Variants in REDIC1 observed in about 807,000 individuals in gnomAD.
REDIC1 encodes regulator of DNA class I crossover intermediates 1, also known as HEI10 Interacting Protein 1.
chr12:39,627,986 C>T, the REDIC1 span, among the ~76,000 whole-genome samples: 2 of 152,120 alleles, frequency 1.3e-5, no homozygotes, highest in Non-Finnish European at 2.9e-5. Context: ...AAAATGACCT[C>T]CTGGAAGGTC....
the REDIC1 span, among the ~76,000 whole-genome samples, chr12:39,655,178 G>C: frequency 6.6e-5 from 10 of 151,714 alleles, no homozygotes; most frequent in Admixed American, 3.3e-4. Context: ...ACTGAGTTTT[G>C]GTTTAATCAA....
chr12:39,877,752 T>A, the REDIC1 span, among the ~76,000 whole-genome samples: 2 of 152,218 alleles, frequency 1.3e-5, no homozygotes, highest in Admixed American at 6.5e-5. Context: ...ACCACTATAT[T>A]TACAATCTTC....
At chr12:39,852,791 T>A in the REDIC1 span, among the ~76,000 whole-genome samples, 4 of 152,202 alleles carry the variant, frequency 2.6e-5, no homozygotes, top group Non-Finnish European at 4.4e-5. Flanking sequence ...CCAATCAGAT[T>A]GGTTGTGACC....
chr12:39,717,254 G>A, the REDIC1 span, among the ~76,000 whole-genome samples: 1 of 151,530 alleles, frequency 6.6e-6, no homozygotes, highest in Non-Finnish European at 1.5e-5. Context: ...TAAAAGGTTT[G>A]ACTCCGCCAA....
the REDIC1 span, among the ~76,000 whole-genome samples, chr12:39,668,398 A>C: frequency 2.0e-5 from 3 of 151,382 alleles, no homozygotes; most frequent in Non-Finnish European, 4.4e-5. Flanking sequence ...ATTGGCCCCC[A>C]CTCTCTTCTG....
the REDIC1 span, among the ~76,000 whole-genome samples, chr12:39,825,909 C>CT: frequency 6.6e-6 from 1 of 151,976 alleles, no homozygotes; most frequent in African/African-American, 2.4e-5. Flanking sequence ...ATTGTGATTT[C>CT]TTCTAAACCT....
chr12:39,638,400 A>G, the REDIC1 span, among the ~76,000 whole-genome samples: 167 of 152,116 alleles, frequency 1.1e-3, no homozygotes, highest in Admixed American at 2.2e-3. Context: ...TGGTATCCTT[A>G]TGAGAATAAT....
the REDIC1 span, among the ~76,000 whole-genome samples, chr12:39,849,572 G>A: frequency 1.3e-5 from 2 of 152,100 alleles, no homozygotes; most frequent in African/African-American, 2.4e-5. Flanking sequence ...GTGGTAAATT[G>A]TTCCTTTGTG....
the REDIC1 span, among the ~76,000 whole-genome samples, chr12:39,708,022 T>C: frequency 3.4e-4 from 52 of 151,752 alleles, no homozygotes; most frequent in African/African-American, 1.2e-3. Context: ...AAGGTAGTTG[T>C]GGGGTTGGGA....
At chr12:39,761,975 G>C in the REDIC1 span, among the ~76,000 whole-genome samples, 1 of 152,040 alleles carries the variant, frequency 6.6e-6, no homozygotes, top group Non-Finnish European at 1.5e-5. Context: ...AACATTTGTT[G>C]GGTTAGGAAG....
At chr12:39,711,240 T>A in the REDIC1 span, among the ~76,000 whole-genome samples, 1 of 150,382 alleles carries the variant, frequency 6.6e-6, no homozygotes, top group East Asian at 2.0e-4. Context: ...TATATATATA[T>A]GTGATGTGTA....
the REDIC1 span, among the ~76,000 whole-genome samples, chr12:39,715,393 GT>G: frequency 6.6e-6 from 1 of 151,716 alleles, no homozygotes; most frequent in Admixed American, 6.6e-5. Context: ...TTATTTCCGG[GT>G]TCTCTATTCT....
At chr12:39,713,359 T>C in the REDIC1 span, among the ~76,000 whole-genome samples, 2 of 144,996 alleles carry the variant, frequency 1.4e-5, no homozygotes, top group Admixed American at 1.4e-4. Flanking sequence ...TATACACATA[T>C]ACGTGTATAC....
At chr12:39,633,000 T>G in the REDIC1 span, among the ~76,000 whole-genome samples, 2 of 152,128 alleles carry the variant, frequency 1.3e-5, no homozygotes, top group Admixed American at 6.5e-5. Context: ...TAAATTTATG[T>G]TTAAAGATGT....
the REDIC1 span, among the ~76,000 whole-genome samples, chr12:39,796,020 CA>C: frequency 6.6e-6 from 1 of 152,086 alleles, no homozygotes. Flanking sequence ...ACCCCACAGC[CA>C]TTAGCAGTCA....
chr12:39,672,894 G>C, the REDIC1 span, among the ~76,000 whole-genome samples: 16 of 152,256 alleles, frequency 1.1e-4, no homozygotes, highest in African/African-American at 3.6e-4. Context: ...AGCTGCTTCA[G>C]ATTTGGGGTT....
chr12:39,712,060 A>G, the REDIC1 span, among the ~76,000 whole-genome samples: 3 of 142,310 alleles, frequency 2.1e-5, no homozygotes, highest in African/African-American at 5.1e-5. Context: ...ATGTATATAT[A>G]CATGTATATA....
At chr12:39,720,938 A>G in the REDIC1 span, 92 of 1,613,620 alleles carry the variant, frequency 5.7e-5, no homozygotes, top group Non-Finnish European at 7.7e-5. Flanking sequence ...AAAATTCACA[A>G]ACAGAATGAG....
chr12:39,714,505 C>T, the REDIC1 span, among the ~76,000 whole-genome samples: 5 of 151,432 alleles, frequency 3.3e-5, no homozygotes, highest in Admixed American at 2.0e-4. Flanking sequence ...GTGAATTATG[C>T]TGCTGTAAAC....
Sources: gnomAD v4.1 joint callset for allele counts (sites outside exome capture counted in the v4.1 genomes callset) on GRCh38, gnomAD v4.1.1 for gene constraint, MANE v1.5 for transcripts, NCBI Gene and HGNC (gene_info 2026-07-23, HGNC 2026-07-21) for gene names.